CDH13: variants seen among roughly 807,000 people sequenced by gnomAD.
The protein encoded by CDH13 is cadherin 13.
A neutral mutation model predicts 63.8 loss-of-function variants in CDH13; 24 were observed. The observed-to-expected ratio is 0.38, with a 90% CI of 0.27 to 0.53. The LOEUF is 0.53. CDH13 is among the 20% of genes least tolerant of loss of function. The probability of loss-of-function intolerance (pLI) is 0.85; values close to 1 mark genes in which losing one functional copy is unlikely to be tolerated. For missense variants in CDH13, 1,049 were observed against 903.1 expected (o/e 1.16, Z -2.07); for synonymous variants, 503 against 355.3 (o/e 1.42, Z -4.67).
intron 6 of CDH13, among the ~76,000 whole-genome samples, chr16:83,366,996 C>A (rs999509028): frequency 6.6e-6 from 1 of 152,028 alleles, no homozygotes; most frequent in African/African-American, 2.4e-5. Flanking sequence ...GTATGATTCA[C>A]CCATTTAAAG....
chr16:83,730,721 C>G (rs1019091718), intron 10 of CDH13, among the ~76,000 whole-genome samples: 1 of 152,050 alleles, frequency 6.6e-6, no homozygotes, highest in Non-Finnish European at 1.5e-5. Flanking sequence ...TTACCTGGGT[C>G]TATTGCGTGT....
intron 4 of CDH13, among the ~76,000 whole-genome samples, chr16:83,189,049 T>C (rs1233888616): frequency 6.6e-6 from 1 of 152,206 alleles, no homozygotes; most frequent in Non-Finnish European, 1.5e-5. Context: ...ATTTTCTGTA[T>C]TTATTAGCTA....
chr16:83,627,522 C>T (rs906431645), intron 8 of CDH13, among the ~76,000 whole-genome samples: 1 of 152,082 alleles, frequency 6.6e-6, no homozygotes, highest in East Asian at 1.9e-4. Flanking sequence ...GTCCTGCCTG[C>T]GAGGAATTTG....
At chr16:83,628,565 G>T (rs139306126) in intron 8 of CDH13, among the ~76,000 whole-genome samples, 2 of 152,306 alleles carry the variant, frequency 1.3e-5, no homozygotes, top group African/African-American at 4.8e-5. Context: ...GCTGACCTGA[G>T]ACAATAGGCA....
intron 3 of CDH13, among the ~76,000 whole-genome samples, chr16:83,122,944 C>T (rs1385633537): frequency 1.3e-5 from 2 of 152,190 alleles, no homozygotes; most frequent in South Asian, 2.1e-4. Context: ...TCCCACTTTC[C>T]GAAGTCCCCA....
intron 8 of CDH13, among the ~76,000 whole-genome samples, chr16:83,634,751 C>T (rs1031890143): frequency 7.9e-5 from 12 of 152,118 alleles, no homozygotes; most frequent in African/African-American, 2.9e-4. Flanking sequence ...CATCCAAGTA[C>T]TCACATCAGC....
chr16:82,642,233 TG>T (rs1909497295), intron 1 of CDH13, among the ~76,000 whole-genome samples: 2 of 152,228 alleles, frequency 1.3e-5, no homozygotes, highest in Non-Finnish European at 2.9e-5. Flanking sequence ...CTATTGTTGT[TG>T]ACACACAATA....
intron 6 of CDH13, among the ~76,000 whole-genome samples, chr16:83,436,483 A>G (rs951854930): frequency 6.6e-6 from 1 of 152,124 alleles, no homozygotes; most frequent in Non-Finnish European, 1.5e-5. Flanking sequence ...TTAAAAAAAA[A>G]AAATTATACA....
At chr16:83,304,796 G>C (rs1327271455) in intron 5 of CDH13, among the ~76,000 whole-genome samples, 1 of 152,090 alleles carries the variant, frequency 6.6e-6, no homozygotes, top group African/African-American at 2.4e-5. Context: ...CCTTGGTGAA[G>C]CTGCTAGTAA....
chr16:83,752,534 C>T (rs758433866), intron 11 of CDH13, among the ~76,000 whole-genome samples: 1 of 152,190 alleles, frequency 6.6e-6, no homozygotes, highest in African/African-American at 2.4e-5. Context: ...GTCTAAACTT[C>T]CGCCATACCA....
At chr16:83,225,790 T>C (rs1232097423) in intron 5 of CDH13, among the ~76,000 whole-genome samples, 1 of 152,210 alleles carries the variant, frequency 6.6e-6, no homozygotes, top group East Asian at 1.9e-4. Context: ...AGTTTTTCCA[T>C]TGTGAAGCCA....
intron 2 of CDH13, among the ~76,000 whole-genome samples, chr16:83,016,879 C>A (rs1003631114): frequency 6.6e-6 from 1 of 152,106 alleles, no homozygotes; most frequent in South Asian, 2.1e-4. Flanking sequence ...TTTATGAAAA[C>A]CAAAATTGAC....
At chr16:83,162,705 C>T (rs2037499371) in intron 4 of CDH13, among the ~76,000 whole-genome samples, 1 of 152,060 alleles carries the variant, frequency 6.6e-6, no homozygotes, top group Non-Finnish European at 1.5e-5. Flanking sequence ...CTACCACTAC[C>T]ACCACCCTCT....
At chr16:82,890,434 G>T (rs937222386) in intron 2 of CDH13, among the ~76,000 whole-genome samples, 2 of 152,134 alleles carry the variant, frequency 1.3e-5, no homozygotes, top group African/African-American at 2.4e-5. Context: ...CTTTAAAAAC[G>T]ATTCCTTTGC....
At chr16:82,919,515 C>G (rs140473921) in intron 2 of CDH13, among the ~76,000 whole-genome samples, 43 of 152,308 alleles carry the variant, frequency 2.8e-4, no homozygotes, top group African/African-American at 9.6e-4. Flanking sequence ...CCAGCTCCAT[C>G]TGTGTTCCTG....
chr16:83,282,761 G>A (rs1265586334), intron 5 of CDH13, among the ~76,000 whole-genome samples: 1 of 152,206 alleles, frequency 6.6e-6, no homozygotes, highest in African/African-American at 2.4e-5. Flanking sequence ...GGACACCTTA[G>A]GGGCTTCTGA....
At chr16:83,776,907 A>G (rs143638484) in intron 11 of CDH13, among the ~76,000 whole-genome samples, 141 of 152,258 alleles carry the variant, frequency 9.3e-4, no homozygotes, top group African/African-American at 3.1e-3. Flanking sequence ...AAAGCCATCT[A>G]TGTGTTGATG....
intron 6 of CDH13, among the ~76,000 whole-genome samples, chr16:83,476,624 G>T (rs913830058): frequency 1.3e-5 from 2 of 152,140 alleles, no homozygotes; most frequent in Non-Finnish European, 2.9e-5. Flanking sequence ...TGTGAGCCCA[G>T]ATTACGCCAC....
chr16:82,948,912 G>A (rs573443985), intron 2 of CDH13, among the ~76,000 whole-genome samples: 6 of 152,218 alleles, frequency 3.9e-5, no homozygotes, highest in Admixed American at 2.6e-4. Flanking sequence ...ACTTACTTTC[G>A]TGATATATAT....
Sources: gnomAD v4.1 joint callset for allele counts (sites outside exome capture counted in the v4.1 genomes callset) on GRCh38, gnomAD v4.1.1 for gene constraint, MANE v1.5 for transcripts, NCBI Gene and HGNC (gene_info 2026-07-23, HGNC 2026-07-21) for gene names.